ANO1: variants seen among roughly 807,000 people sequenced by gnomAD.
The protein encoded by ANO1 is anoctamin 1, also known as anoctamin-1.
ANO1 carries 59 observed loss-of-function variants against 124.0 expected under a neutral mutation model. That is an observed-to-expected ratio of 0.48 (90% confidence interval 0.39 to 0.59). ANO1 has a LOEUF of 0.59. Ranked by LOEUF, ANO1 falls within the 20% of genes least tolerant of loss-of-function variation. The pLI is 0.00. For synonymous variants in ANO1, 529 were observed against 532.0 expected, an observed-to-expected ratio of 0.99 and a Z score of 0.08; for missense variants, 1,059 against 1,328.0, an observed-to-expected ratio of 0.80 and a Z score of 3.15.
At chr11:69,986,726 C>A (rs191382769) in intron 1 of ANO1, among the ~76,000 whole-genome samples, 4 of 152,122 alleles carry the variant, frequency 2.6e-5, no homozygotes, top group African/African-American at 9.7e-5. Context: ...TGACTTCCTC[C>A]CCCCTGGCTG....
intron 2 of ANO1, among the ~76,000 whole-genome samples, chr11:70,099,093 C>T (rs1228913548): frequency 6.6e-6 from 1 of 152,130 alleles, no homozygotes; most frequent in Non-Finnish European, 1.5e-5. Flanking sequence ...GCCTCACCAC[C>T]CCCACGGCCG....
rs368332601 is a variant in ANO1, at chr11:70,104,105, C to G, written c.647C>G (p.Thr216Ser). 4 of 1,613,038 alleles carry G rather than the reference C, an allele frequency of 2.5e-6. No homozygotes were observed. In the African/African-American group the frequency reaches 5.3e-5, roughly 22 times the overall value. Reference protein sequence around the residue: ...QPKVAEHRPQTMKRLSYPFSR... With the variant: ...QPKVAEHRPQSMKRLSYPFSR... ...AAAGTGGCTGAGCACAGGCCCCAGA[C>G]CATGAAGAGACTCTCCTATCCCTTC... Residue 216 changes from threonine to serine, a missense_variant, in exon 4 of 26, where the codon ACC becomes AGC. Thr to Ser is a moderately conservative substitution (Grantham distance 58, BLOSUM62 1). Coordinates refer to ENST00000355303, the MANE Select transcript of ANO1 (RefSeq NM_018043.7).
upstream of ANO1, among the ~76,000 whole-genome samples, chr11:69,985,572 G>A (rs1554996772): frequency 6.6e-6 from 1 of 152,212 alleles, no homozygotes; most frequent in African/African-American, 2.4e-5. Flanking sequence ...CCGTCTCTCG[G>A]GGGCTGGCTC....
intron 2 of ANO1, among the ~76,000 whole-genome samples, chr11:70,095,763 C>T (rs1339746876): frequency 1.6e-4 from 24 of 152,298 alleles, no homozygotes; most frequent in South Asian, 2.1e-4. Flanking sequence ...TCACCCCCGC[C>T]GGAGCCCCTC....
At chr11:70,098,078 TCCTGGTGTCTGCCCCCGAG>T (rs1412766930) in intron 2 of ANO1, among the ~76,000 whole-genome samples, 14 of 152,198 alleles carry the variant, frequency 9.2e-5, no homozygotes, top group African/African-American at 3.4e-4. Context: ...CCGCCAAGGC[TCCTGGTGTCTGCCCCCGAG>T]TCCGACGGCA....
intron 1 of ANO1, among the ~76,000 whole-genome samples, chr11:70,068,910 G>A (rs1015277741): frequency 6.6e-6 from 1 of 152,190 alleles, no homozygotes; most frequent in Non-Finnish European, 1.5e-5. Context: ...CAAGCTGATG[G>A]TCCCCAATGT....
chr11:70,045,997 G>A (rs1307017257), intron 1 of ANO1, among the ~76,000 whole-genome samples: 2 of 152,184 alleles, frequency 1.3e-5, no homozygotes, highest in South Asian at 2.1e-4. Flanking sequence ...GTGAGGGAGA[G>A]GATGGTGGAG....
intron 1 of ANO1, among the ~76,000 whole-genome samples, chr11:70,024,967 T>C (rs1228804045): frequency 6.6e-6 from 1 of 152,208 alleles, no homozygotes; most frequent in Non-Finnish European, 1.5e-5. Context: ...GACAGACAGC[T>C]GCAAGGACTT....
chr11:70,150,266 G>A (rs1303940488), intron 12 of ANO1, among the ~76,000 whole-genome samples: 1 of 152,176 alleles, frequency 6.6e-6, no homozygotes, highest in Non-Finnish European at 1.5e-5. Flanking sequence ...GCTGACAAGA[G>A]GGAACGGATC....
At chr11:70,118,722 T>C (rs2135445256) in intron 8 of ANO1, among the ~76,000 whole-genome samples, 1 of 147,718 alleles carries the variant, frequency 6.8e-6, no homozygotes, top group South Asian at 2.2e-4. Flanking sequence ...GATGAGTGGG[T>C]GGATGGATGG....
At chr11:70,047,613 C>T (rs1488310787) in intron 1 of ANO1, among the ~76,000 whole-genome samples, 16 of 152,146 alleles carry the variant, frequency 1.1e-4, no homozygotes, top group Non-Finnish European at 4.4e-5. Flanking sequence ...TAACTGAAAA[C>T]AGAGACAACA....
chr11:69,996,962 G>A (rs1363504595), intron 1 of ANO1, among the ~76,000 whole-genome samples: 1 of 152,128 alleles, frequency 6.6e-6, no homozygotes, highest in African/African-American at 2.4e-5. Flanking sequence ...CAGGGTGTGG[G>A]GTGATGTCTG....
chr11:70,168,696 C>G (rs970503553), intron 21 of ANO1, among the ~76,000 whole-genome samples: 2 of 152,156 alleles, frequency 1.3e-5, no homozygotes, highest in African/African-American at 4.8e-5. Context: ...TGCCCGTTCC[C>G]AGGCTTGTTC....
chr11:70,109,933 G>T (rs946552607), intron 6 of ANO1, among the ~76,000 whole-genome samples: 1 of 152,066 alleles, frequency 6.6e-6, no homozygotes, highest in Non-Finnish European at 1.5e-5. Flanking sequence ...CACCTTGTCT[G>T]AGAGTCGACC....
At chr11:70,091,597 GGAGA>G (rs917138079) in intron 2 of ANO1, among the ~76,000 whole-genome samples, 1 of 152,182 alleles carries the variant, frequency 6.6e-6, no homozygotes, top group Admixed American at 6.5e-5. Flanking sequence ...GGACATGGAG[GGAGA>G]GAAAGGGGGA....
intron 16 of ANO1, among the ~76,000 whole-genome samples, chr11:70,158,216 C>T (rs2047899132): frequency 6.6e-6 from 1 of 152,196 alleles, no homozygotes; most frequent in Non-Finnish European, 1.5e-5. Context: ...GATTTCAATC[C>T]CAGGGACTTC....
chr11:70,152,598 C>T, intron 13 of ANO1, 137 bp downstream of exon 13: 1 of 1,017,652 alleles, frequency 9.8e-7, no homozygotes, highest in South Asian at 1.4e-5. Flanking sequence ...GCTTTCTCCC[C>T]ACCTCCGGTC....
chr11:70,110,350 C>T (rs1250830729), intron 6 of ANO1, among the ~76,000 whole-genome samples: 1 of 152,050 alleles, frequency 6.6e-6, no homozygotes, highest in East Asian at 1.9e-4. Flanking sequence ...CCACGCCTGG[C>T]TAATTGTTTG....
At chr11:70,146,314 C>T (rs746459677) in intron 11 of ANO1, among the ~76,000 whole-genome samples, 3 of 152,192 alleles carry the variant, frequency 2.0e-5, no homozygotes, top group African/African-American at 2.4e-5. Flanking sequence ...CTCCTTCCTG[C>T]CTGCGGTCGT....
Sources: allele counts gnomAD v4.1 joint callset (sites outside exome capture counted in the v4.1 genomes callset), GRCh38; gene constraint gnomAD v4.1.1; transcripts MANE v1.5; gene names NCBI Gene and HGNC (gene_info 2026-07-23, HGNC 2026-07-21).